The following PWWP2B variants were observed in gnomAD, a reference collection of about 807,000 sequenced individuals.
The protein encoded by PWWP2B is PWWP domain-containing protein 2B.
A neutral mutation model predicts 15.5 loss-of-function variants in PWWP2B; 9 were observed. That is an observed-to-expected ratio of 0.58 (90% CI 0.35 to 1.02). The LOEUF (loss-of-function observed/expected upper bound fraction) is 1.02. PWWP2B is among the 50% of genes least tolerant of loss of function. The pLI is 0.02. For missense variants in PWWP2B, 864 were observed against 865.3 expected (o/e 1.00, Z 0.02); for synonymous variants, 474 against 403.6 (o/e 1.17, Z -2.09).
chr10:132,399,671 G>A (rs929623195), intron 1 of PWWP2B, among the ~76,000 whole-genome samples: 61 of 152,386 alleles, frequency 4.0e-4, no homozygotes, highest in Admixed American at 8.5e-4. Flanking sequence ...GGAGCAGGCG[G>A]CCTCCAGTGA....
At chr10:132,399,687 C>T (rs1045484729) in intron 1 of PWWP2B, among the ~76,000 whole-genome samples, 4 of 152,224 alleles carry the variant, frequency 2.6e-5, no homozygotes, top group Non-Finnish European at 4.4e-5. Context: ...AGTGATCTTC[C>T]CCCAGTCTGG....
chr10:132,406,379 CAG>C, intron 2 of PWWP2B, 90 bp downstream of exon 2: 1 of 1,145,302 alleles, frequency 8.7e-7, no homozygotes, highest in Non-Finnish European at 1.2e-6. Flanking sequence ...CCCTGAGGCC[CAG>C]GGAGCCGCCG....
At chr10:132,403,497 C>A (rs2069639302) in intron 1 of PWWP2B, among the ~76,000 whole-genome samples, 1 of 152,220 alleles carries the variant, frequency 6.6e-6, no homozygotes, top group African/African-American at 2.4e-5. Context: ...GCGCTCACAG[C>A]AGCTTGTTGG....
At chr10:132,409,115 A>G (rs2069743123) in intron 2 of PWWP2B, among the ~76,000 whole-genome samples, 1 of 151,984 alleles carries the variant, frequency 6.6e-6, no homozygotes, top group Non-Finnish European at 1.5e-5. Context: ...CTGTTTGTTC[A>G]CCGCTCCCAG....
rs535324533 is a variant in PWWP2B at position 132,398,039 on chromosome 10, C to T, written c.125+688C>T. Among the ~76,000 whole-genome samples, 3 of 152,288 alleles carry T rather than the reference C, an allele frequency of 2.0e-5. No homozygotes were observed. The South Asian group carries it at 6.2e-4, about 32-fold the overall frequency. ...CAGGGACCCATGCGGTGCAGATGAG[C>T]CTCCTGGACACCGCGTCACATGGCA... On this transcript the variant is annotated intron_variant, in intron 1 of 2. Coordinates refer to ENST00000305233, the MANE Select transcript of PWWP2B (RefSeq NM_138499.4).
Position 132,405,004 on chromosome 10 carries a change from C to T in PWWP2B, c.504C>T (p.Thr168=), listed in dbSNP as rs2069670438. The change falls in exon 2 of 3, where the codon ACC becomes ACT. Residue 168 remains threonine (T), a synonymous_variant. Transcript: ENST00000305233. ...ACCCGGGGCGCCTCATCCTCAGCAC[C>T]ATCCGCCTGCGGCCGCGCCAGGTGC... ...NRDPGRLILS[T]IRLRPRQVLC... is the part of the protein sequence containing the mutation. 1.3e-6 allele frequency: 2 copies of T among 1,550,750 alleles called. No individual in the cohort carries two copies. Among genetic ancestry groups the T allele is most frequent in the Non-Finnish European group, 1.7e-6 (2 of 1,154,530 alleles).
chr10:132,413,265 A>T (rs1308320494), intron 2 of PWWP2B, among the ~76,000 whole-genome samples: 1 of 152,252 alleles, frequency 6.6e-6, no homozygotes, highest in Admixed American at 6.5e-5. Flanking sequence ...TGTGTAAAAT[A>T]TTTAAAATAT....
intron 2 of PWWP2B, among the ~76,000 whole-genome samples, chr10:132,416,051 G>A (rs1179231651): frequency 3.9e-5 from 6 of 152,348 alleles, no homozygotes; most frequent in African/African-American, 1.4e-4. Flanking sequence ...GGTGGTCTCA[G>A]GGCGGTTGCA....
intron 2 of PWWP2B, among the ~76,000 whole-genome samples, chr10:132,411,383 T>C (rs1331000692): frequency 6.6e-6 from 1 of 152,242 alleles, no homozygotes; most frequent in Non-Finnish European, 1.5e-5. Context: ...GAAGGTGCCA[T>C]TCCCAGGCTC....
At chr10:132,398,875 G>A (rs2069573401) in intron 1 of PWWP2B, among the ~76,000 whole-genome samples, 3 of 152,210 alleles carry the variant, frequency 2.0e-5, no homozygotes. Context: ...CCTTGGGCTG[G>A]CCCCCTTGTC....
At chr10:132,411,340 A>G (rs2069777416) in intron 2 of PWWP2B, among the ~76,000 whole-genome samples, 1 of 152,130 alleles carries the variant, frequency 6.6e-6, no homozygotes, top group African/African-American at 2.4e-5. Context: ...TCATCTGGAA[A>G]CCCTTTAATC....
chr10:132,405,328 T>C lies in PWWP2B; in HGVS notation c.828T>C (p.Ser276=). 6.2e-7 allele frequency: 1 copy of C among 1,612,098 alleles called. No individual in the cohort carries two copies. The highest frequency in any genetic ancestry group is 1.7e-4 in the Middle Eastern group (1 of 6,054). The change falls in exon 2 of 3, where the codon TCT becomes TCC. Residue 276 remains serine, a synonymous_variant. Coordinates refer to ENST00000305233, the MANE Select transcript of PWWP2B (RefSeq NM_138499.4). ...VVKIPSRVHG[S]LEPFRPQQAP... is the part of the protein sequence containing the mutation. ...AGATCCCCTCCCGCGTGCACGGCTC[T>C]CTGGAGCCCTTCCGTCCCCAGCAGG...
At chr10:132,402,927 G>T (rs2069631525) in intron 1 of PWWP2B, among the ~76,000 whole-genome samples, 3 of 152,248 alleles carry the variant, frequency 2.0e-5, no homozygotes, top group Admixed American at 1.3e-4. Flanking sequence ...GGCCCCCGGG[G>T]TGCATGGGGT....
At chr10:132,406,535 C>G (rs1230843238) in intron 2 of PWWP2B, among the ~76,000 whole-genome samples, 1 of 152,266 alleles carries the variant, frequency 6.6e-6, no homozygotes, top group Admixed American at 6.5e-5. Flanking sequence ...TGGAAGCACA[C>G]AGCGAGTTTG....
chr10:132,404,508 TG>T, intron 1 of PWWP2B, 117 bp from the exon 2 acceptor site: 1 of 828,500 alleles, frequency 1.2e-6, no homozygotes, highest in Non-Finnish European at 2.0e-6. Flanking sequence ...ACTCAGGGCA[TG>T]GCTCGCTGCC....
intron 1 of PWWP2B, 85 bp from the exon 2 acceptor site, chr10:132,404,541 C>G (rs979670170): frequency 3.4e-6 from 4 of 1,189,726 alleles, no homozygotes; most frequent in Non-Finnish European, 5.0e-6. Context: ...GAGCATGGGT[C>G]GGGGGCCTTG....
chr10:132,399,454 G>A (rs550558393), intron 1 of PWWP2B, among the ~76,000 whole-genome samples: 17 of 152,376 alleles, frequency 1.1e-4, no homozygotes, highest in Middle Eastern at 3.4e-3. Context: ...AGCAGCCAGC[G>A]TTTGTTGTCG....
At chr10:132,397,767 C>T (rs564150084) in intron 1 of PWWP2B, among the ~76,000 whole-genome samples, 2 of 152,222 alleles carry the variant, frequency 1.3e-5, no homozygotes, top group Non-Finnish European at 2.9e-5. Flanking sequence ...GGTGCCCTGT[C>T]GAAGGCCACG....
chr10:132,404,617 C>G lies in PWWP2B; in HGVS notation c.126-9C>G. 6.2e-7 allele frequency: 1 copy of G among 1,610,908 alleles called. No homozygotes were observed. The highest frequency in any genetic ancestry group is 8.5e-7 in the Non-Finnish European group (1 of 1,178,138). On this transcript the variant is annotated splice_polypyrimidine_tract_variant and intron_variant, in intron 1 of 2. Transcript: ENST00000305233. ...CTTCTCACTGTGGTTTCTCTCTCTC[C>G]ATTGCCAGGTCCGGCCTCTTTGGCC...
Sources: allele counts gnomAD v4.1 joint callset (sites outside exome capture counted in the v4.1 genomes callset), GRCh38; gene constraint gnomAD v4.1.1; transcripts MANE v1.5; gene names NCBI Gene and HGNC (gene_info 2026-07-23, HGNC 2026-07-21).